Variants in NHEJ1 observed in about 807,000 individuals in gnomAD.
NHEJ1 encodes the protein non-homologous end-joining factor 1.
In NHEJ1, 22 loss-of-function variants were observed where a neutral mutation model predicts 39.4. The ratio of observed to expected loss-of-function variants is 0.56; its 90% CI spans 0.40 to 0.80. The LOEUF (loss-of-function observed/expected upper bound fraction) is 0.80. Ranked by LOEUF, NHEJ1 falls within the 30% of genes least tolerant of loss-of-function variation. The pLI is 0.00. For missense variants in NHEJ1, 329 were observed against 357.1 expected (o/e 0.92, Z 0.63); for synonymous variants, 154 against 135.6 (o/e 1.14, Z -0.94).
chr2:219,080,868 C>A (rs1005500778), intron 5 of NHEJ1, among the ~76,000 whole-genome samples: 4 of 151,986 alleles, frequency 2.6e-5, no homozygotes, highest in African/African-American at 7.3e-5. Context: ...ACTAGCATGA[C>A]CCCGTTTGGC....
At chr2:219,119,746 C>T (rs1949453907) in intron 5 of NHEJ1, among the ~76,000 whole-genome samples, 1 of 152,128 alleles carries the variant, frequency 6.6e-6, no homozygotes, top group Non-Finnish European at 1.5e-5. Flanking sequence ...AGAAGAGAAA[C>T]CATAATTTCT....
chr2:219,131,528 G>A (rs1023781143), intron 5 of NHEJ1, among the ~76,000 whole-genome samples: 2 of 152,106 alleles, frequency 1.3e-5, no homozygotes, highest in African/African-American at 4.8e-5. Flanking sequence ...ATAGCTTCAG[G>A]GGGTAGTTTA....
At chr2:219,082,865 G>A (rs1949078781) in intron 5 of NHEJ1, among the ~76,000 whole-genome samples, 2 of 152,170 alleles carry the variant, frequency 1.3e-5, no homozygotes, top group South Asian at 4.1e-4. Context: ...CTTCCCTTGG[G>A]AGCCCAGGTC....
chr2:219,141,068 T>C (rs1329624841), intron 5 of NHEJ1, among the ~76,000 whole-genome samples: 1 of 152,052 alleles, frequency 6.6e-6, no homozygotes, highest in Non-Finnish European at 1.5e-5. Flanking sequence ...AGGAGGCTGT[T>C]GCATGGTCAA....
intron 6 of NHEJ1, among the ~76,000 whole-genome samples, chr2:219,077,761 C>T (rs568027885): frequency 9.9e-5 from 15 of 152,144 alleles, no homozygotes; most frequent in African/African-American, 3.6e-4. Context: ...CTGGTGTGAG[C>T]CACTGCGCCC....
At chr2:219,137,073 A>G (rs1429881729) in intron 5 of NHEJ1, among the ~76,000 whole-genome samples, 2 of 145,070 alleles carry the variant, frequency 1.4e-5, no homozygotes, top group East Asian at 3.9e-4. Context: ...CTTCTTGAGA[A>G]AAAAAAAAAA....
chr2:219,082,038 A>G (rs2106322757), intron 5 of NHEJ1, among the ~76,000 whole-genome samples: 1 of 152,364 alleles, frequency 6.6e-6, no homozygotes, highest in East Asian at 1.9e-4. Flanking sequence ...ACTGTTTGCC[A>G]AAGCTTCCTT....
chr2:219,159,049 T>C (rs547892202), intron 1 of NHEJ1: 1 of 153,360 alleles, frequency 6.5e-6, no homozygotes, highest in Admixed American at 6.5e-5. Flanking sequence ...TAAGAACCTG[T>C]GTCCAGGAGC....
intron 5 of NHEJ1, among the ~76,000 whole-genome samples, chr2:219,105,681 C>A (rs578230891): frequency 6.6e-6 from 1 of 152,168 alleles, no homozygotes; most frequent in Admixed American, 6.5e-5. Context: ...GTCTTCCTAT[C>A]CTCTAATTAG....
intron 5 of NHEJ1, among the ~76,000 whole-genome samples, chr2:219,085,577 A>T (rs1574703409): frequency 6.6e-6 from 1 of 151,998 alleles, no homozygotes. Context: ...GCTGCTGCCG[A>T]CCTCGCCATG....
intron 5 of NHEJ1, among the ~76,000 whole-genome samples, chr2:219,126,876 C>T (rs941580764): frequency 1.1e-4 from 16 of 152,224 alleles, no homozygotes; most frequent in African/African-American, 3.9e-4. Flanking sequence ...ACGGCATGTG[C>T]CAAGGACTAG....
intron 5 of NHEJ1, among the ~76,000 whole-genome samples, chr2:219,094,759 C>T (rs1574708453): frequency 6.6e-6 from 1 of 152,034 alleles, no homozygotes; most frequent in Non-Finnish European, 1.5e-5. Context: ...AACCCCCTAT[C>T]CTCAGGCTCA....
chr2:219,141,381 A>G (rs1196534550), intron 5 of NHEJ1, among the ~76,000 whole-genome samples: 1 of 149,108 alleles, frequency 6.7e-6, no homozygotes, highest in Non-Finnish European at 1.5e-5. Flanking sequence ...CTTGGTCTCA[A>G]AAAAAAAAAG....
At chr2:219,159,542 T>TATATATATGC (rs1227358616) in intron 1 of NHEJ1, among the ~76,000 whole-genome samples, 5 of 34,312 alleles carry the variant, frequency 1.5e-4, no homozygotes, top group African/African-American at 2.2e-4. Context: ...TATATGCATA[T>TATATATATGC]ATATATATGC....
At chr2:219,159,588 C>CATATATATGCAT (rs1949906412) in intron 1 of NHEJ1, among the ~76,000 whole-genome samples, 45 of 69,524 alleles carry the variant, frequency 6.5e-4, no homozygotes, top group South Asian at 5.3e-3. Context: ...TATATATATG[C>CATATATATGCAT]ATATATATAT....
At chr2:219,102,402 G>A (rs762989301) in intron 5 of NHEJ1, 1 of 152,088 alleles carries the variant, frequency 6.6e-6, no homozygotes, top group Non-Finnish European at 1.5e-5. Context: ...TTAGTGGCAG[G>A]GGATATTTCA....
intron 5 of NHEJ1, among the ~76,000 whole-genome samples, chr2:219,120,520 T>C (rs1190228590): frequency 3.3e-5 from 5 of 152,206 alleles, no homozygotes; most frequent in Non-Finnish European, 5.9e-5. Flanking sequence ...TTTCTGGCTA[T>C]GTTTTTTCCC....
At chr2:219,113,451 T>G (rs917796148) in intron 5 of NHEJ1, among the ~76,000 whole-genome samples, 2 of 152,190 alleles carry the variant, frequency 1.3e-5, no homozygotes, top group Non-Finnish European at 2.9e-5. Flanking sequence ...AATATATATA[T>G]GTATTTTTTG....
intron 1 of NHEJ1, 110 bp downstream of exon 1, chr2:219,160,610 A>AGC (rs1264115345): frequency 1.5e-5 from 2 of 137,866 alleles, no homozygotes; most frequent in African/African-American, 5.3e-5. Context: ...GGACCCCGGC[A>AGC]GCGCGCGCTC....
Sources: gnomAD v4.1 joint callset for allele counts (sites outside exome capture counted in the v4.1 genomes callset) on GRCh38, gnomAD v4.1.1 for gene constraint, MANE v1.5 for transcripts, NCBI Gene and HGNC (gene_info 2026-07-23, HGNC 2026-07-21) for gene names.